The following RELN variants were observed in gnomAD, a reference collection of about 807,000 sequenced individuals.
RELN encodes the protein reelin.
A neutral mutation model predicts 427.6 loss-of-function variants in RELN; 108 were observed. The ratio of observed to expected loss-of-function variants is 0.25; its 90% CI spans 0.22 to 0.30. The LOEUF is 0.30. RELN is among the 10% of genes least tolerant of loss of function. The pLI is 1.00. For synonymous variants in RELN, 1,524 were observed against 1,513.4 expected (o/e 1.01, Z -0.16); for missense variants, 3,715 against 4,302.8 (o/e 0.86, Z 3.82).
At position 103,989,355 on chromosome 7, in the gene RELN, A is replaced by ATGCCGC. The variant is rs1554453538; in HGVS notation, c.-5_1dup (p.Pro1_?0). Reference sequence around the variant, plus strand: ...CTGCCGGGCCCAGCCACTGCGCTCCATGCCGCCGCCGCCGCCGCCGCCGCC... The same window carrying ATGCCGC: ...CTGCCGGGCCCAGCCACTGCGCTCCATGCCGCTGCCGCCGCCGCCGCCGCCGCCGCC... On this transcript the variant is annotated start_lost and start_retained_variant, in exon 1 of 65. Transcript: ENST00000428762. The surrounding 1 kb of genome is among the most constrained non-coding windows in gnomAD (Gnocchi z 4.9). 1.6e-6 allele frequency: 2 copies of ATGCCGC among 1,250,788 alleles called. No individual in the cohort carries two copies. Among genetic ancestry groups the ATGCCGC allele is most frequent in the Non-Finnish European group, 2.1e-6 (2 of 968,232 alleles). The allele number at this position is 1,250,788 out of a possible 1,614,324, so 77.5% of individuals were successfully genotyped here.
intron 12 of RELN, 114 bp downstream of exon 12, chr7:103,661,262 G>A (rs759462724): frequency 1.0e-4 from 123 of 1,199,612 alleles, no homozygotes; most frequent in Non-Finnish European, 1.4e-4. Context: ...GAGAGCTCAC[G>A]TTTCATGAAT....
chr7:103,624,995 T>C (rs556841665), intron 20 of RELN, among the ~76,000 whole-genome samples: 18 of 152,356 alleles, frequency 1.2e-4, no homozygotes, highest in African/African-American at 4.3e-4. Flanking sequence ...TTAAATCTTT[T>C]AGTTATATCT....
chr7:103,868,714 G>A (rs1386159082), intron 2 of RELN, among the ~76,000 whole-genome samples: 1 of 151,894 alleles, frequency 6.6e-6, no homozygotes, highest in Non-Finnish European at 1.5e-5. Flanking sequence ...TCTTTCAAAC[G>A]CTTTGCCTTA....
Position 103,753,204 on chromosome 7 carries a change from A to T in RELN, c.555T>A (p.Asp185Glu). The change falls in exon 5 of 65, where the codon GAT becomes GAA. Residue 185 changes from aspartate to glutamate, a missense_variant. Coordinates refer to ENST00000428762, the MANE Select transcript of RELN (RefSeq NM_005045.4). ...QQLCEQGAPTDVTVHPHLAEI... is the reference protein window; with the variant it reads ...QQLCEQGAPTEVTVHPHLAEI... ...TACCTAGATGTGGGTGCACAGTGACATCTGTTGGAGCTGAATCAAGAGAGG... is the reference window on the plus strand; with the variant it reads ...TACCTAGATGTGGGTGCACAGTGACTTCTGTTGGAGCTGAATCAAGAGAGG... 1 of 1,614,078 alleles carries T rather than the reference A, an allele frequency of 6.2e-7. No homozygotes were observed.
chr7:103,503,262 A>G, intron 51 of RELN, 32 bp from the exon 52 acceptor site: 1 of 1,592,036 alleles, frequency 6.3e-7, no homozygotes, highest in East Asian at 2.2e-5. Flanking sequence ...TCAAGGTATT[A>G]AAACTATATG....
At position 103,797,973 on chromosome 7, in the gene RELN, C is replaced by T. The variant is rs1054857271; in HGVS notation, c.474-21346G>A. ...AATCATTAATTATGGCAATAAGTCA[C>T]GGATTAAAATATTTTTGTGTGGATT... On this transcript the variant is annotated intron_variant, in intron 3 of 64. Coordinates refer to ENST00000428762, the MANE Select transcript of RELN (RefSeq NM_005045.4). Among the ~76,000 whole-genome samples, 12 of 152,290 alleles carry T rather than the reference C, an allele frequency of 7.9e-5. 1 individual carries two copies. Among genetic ancestry groups the T allele is most frequent in the South Asian group, 4.1e-4 (2 of 4,826 alleles).
chr7:103,643,504 A>T (rs1832735106), intron 16 of RELN, among the ~76,000 whole-genome samples: 2 of 151,956 alleles, frequency 1.3e-5, no homozygotes, highest in Non-Finnish European at 2.9e-5. Context: ...TTGGACTCTC[A>T]GCTTCCATGG....
chr7:103,486,461 A>C (rs763803604), intron 60 of RELN, 45 bp from the exon 61 acceptor site: 2 of 1,409,634 alleles, frequency 1.4e-6, no homozygotes, highest in Non-Finnish European at 2.0e-6. Flanking sequence ...GACCAACCAG[A>C]GTCATTCAAG....
intron 3 of RELN, among the ~76,000 whole-genome samples, chr7:103,828,611 TAATTGTGATG>T (rs1331981767): frequency 1.3e-5 from 2 of 151,946 alleles, no homozygotes; most frequent in South Asian, 4.1e-4. Context: ...AACCTAAACC[TAATTGTGATG>T]AATTTTGCCT....
At chr7:103,733,470 G>T (rs1790407930) in intron 6 of RELN, among the ~76,000 whole-genome samples, 1 of 135,006 alleles carries the variant, frequency 7.4e-6, no homozygotes, top group Admixed American at 7.5e-5. Context: ...AAATCATGCT[G>T]CTATAAAGAC....
At chr7:103,546,555 T>A (rs1830301324) in intron 41 of RELN, among the ~76,000 whole-genome samples, 1 of 152,248 alleles carries the variant, frequency 6.6e-6, no homozygotes, top group African/African-American at 2.4e-5. Flanking sequence ...GACAATCTTT[T>A]AAATTTTTCT....
At chr7:103,607,125 A>T (rs2117280639) in intron 22 of RELN, among the ~76,000 whole-genome samples, 1 of 149,948 alleles carries the variant, frequency 6.7e-6, no homozygotes, top group East Asian at 2.0e-4. Flanking sequence ...GGATACCATT[A>T]GGAGATATAC....
intron 3 of RELN, among the ~76,000 whole-genome samples, chr7:103,823,506 C>T (rs1793059130): frequency 6.6e-6 from 1 of 151,960 alleles, no homozygotes; most frequent in Non-Finnish European, 1.5e-5. Flanking sequence ...TTTACATTTA[C>T]ATTTTTAACA....
At chr7:103,589,188 G>A (rs1422524807) in intron 28 of RELN, among the ~76,000 whole-genome samples, 1 of 152,186 alleles carries the variant, frequency 6.6e-6, no homozygotes, top group Non-Finnish European at 1.5e-5. Context: ...CATCAGAAGA[G>A]TTAAATTGTC....
At chr7:103,497,496 T>C (rs1426580954) in intron 55 of RELN, among the ~76,000 whole-genome samples, 5 of 152,220 alleles carry the variant, frequency 3.3e-5, no homozygotes, top group Admixed American at 1.3e-4. Flanking sequence ...TGCTTTAAAG[T>C]TTTAAAAATG....
At chr7:103,591,269 T>C (rs1316602733) in intron 27 of RELN, among the ~76,000 whole-genome samples, 1 of 152,172 alleles carries the variant, frequency 6.6e-6, no homozygotes, top group Non-Finnish European at 1.5e-5. Flanking sequence ...GTCTGATTTT[T>C]AGAAGGAAAA....
rs1795204134 is a variant in RELN, at chr7:103,906,360, G to T, written c.337+10715C>A. Among the ~76,000 whole-genome samples the T allele has an allele frequency of 2.0e-5, 3 of 152,120 alleles. No individual in the cohort carries two copies. In the South Asian group the frequency reaches 6.2e-4, roughly 32 times the overall value. ...CCATAAAATAAGGAGAATTATAGTA[G>T]AATTTTTTTTAGGATCAAAAGAGTT... On this transcript the variant is annotated intron_variant, in intron 2 of 64. Transcript: ENST00000428762.
rs1182969373 is a variant in RELN, at chr7:103,489,899, A to T, written c.9606T>A (p.Ser3202Arg). 2.5e-6 allele frequency: 4 copies of T among 1,614,088 alleles called. No individual in the cohort carries two copies. Among genetic ancestry groups the T allele is most frequent in the Non-Finnish European group, 3.4e-6 (4 of 1,180,004 alleles). Reference sequence around the variant, plus strand: ...TCTGGATCCAGCGGAACTGTGTTGCACTGAAAGAACCACAGAGAGCAGAAG... The same window carrying T: ...TCTGGATCCAGCGGAACTGTGTTGCTCTGAAAGAACCACAGAGAGCAGAAG... ...TIQLPDHVSS[S>R]ATQFRWIQKG... Residue 3202 changes from serine to arginine, a missense_variant and splice_region_variant, in exon 60 of 65, where the codon AGT becomes AGA. Ser to Arg is a moderately radical substitution (Grantham distance 110). Around this residue, in one of 4 missense-constraint regions of RELN, gnomAD observed 1,310 missense variants for 1,643.0 expected, o/e 0.80. Transcript: ENST00000428762.
intron 60 of RELN, among the ~76,000 whole-genome samples, chr7:103,489,068 C>T (rs930672185): frequency 7.2e-5 from 11 of 152,128 alleles, no homozygotes; most frequent in Admixed American, 6.6e-5. Context: ...GGAAAGCAGG[C>T]CTGCATACCT....
Sources: allele counts gnomAD v4.1 joint callset (sites outside exome capture counted in the v4.1 genomes callset), GRCh38; gene constraint gnomAD v4.1.1; regional missense constraint gnomAD v4.1.1; non-coding constraint Gnocchi (gnomAD v3.1); transcripts MANE v1.5; gene names NCBI Gene and HGNC (gene_info 2026-07-23, HGNC 2026-07-21).